Variants in BMPR2 observed in about 807,000 individuals in gnomAD.
BMPR2 encodes the protein bone morphogenetic protein receptor type 2.
Under a neutral mutation model 100.8 loss-of-function variants are expected in BMPR2, and 29 were observed. The ratio of observed to expected loss-of-function variants is 0.29; its 90% CI spans 0.21 to 0.39. BMPR2 has a LOEUF of 0.39. BMPR2 is among the 10% of genes least tolerant of loss of function. The pLI is 1.00. For missense variants in BMPR2, 1,011 were observed against 1,274.5 expected, an observed-to-expected ratio of 0.79 and a Z score of 3.15; for synonymous variants, 382 against 442.3, an observed-to-expected ratio of 0.86 and a Z score of 1.71.
In BMPR2 at chr2:202,412,202, A is replaced by C. The variant is rs185363202; in HGVS notation, c.76+34652A>C. Among the ~76,000 whole-genome samples, 50 of 152,304 alleles carry C rather than the reference A, an allele frequency of 3.3e-4. 1 individual carries two copies. The highest frequency in any genetic ancestry group is 8.5e-4 in the Admixed American group (13 of 15,288). On this transcript the variant is annotated intron_variant, in intron 1 of 12. Transcript: ENST00000374580. ...ATGCGTATGTGTCTCTAATAATCTT[A>C]AATATATTTAAGATGATAGAAGGAA...
intron 10 of BMPR2, among the ~76,000 whole-genome samples, chr2:202,551,862 A>ATT (rs35621004): frequency 6.1e-4 from 79 of 130,376 alleles, no homozygotes; most frequent in South Asian, 4.0e-3. Context: ...ATGCTGGCTA[A>ATT]TTTTTTTTTT....
intron 1 of BMPR2, among the ~76,000 whole-genome samples, chr2:202,432,133 G>GA (rs781637829): frequency 2.0e-5 from 3 of 150,662 alleles, no homozygotes; most frequent in Non-Finnish European, 4.4e-5. Flanking sequence ...TTTAAATGAT[G>GA]AATGTTATTA....
chr2:202,446,484 T>A (rs1187507844), intron 1 of BMPR2, among the ~76,000 whole-genome samples: 1 of 150,628 alleles, frequency 6.6e-6, no homozygotes, highest in East Asian at 1.9e-4. Flanking sequence ...TACAATTTTA[T>A]GTTCGCTTGT....
intron 11 of BMPR2, among the ~76,000 whole-genome samples, 183 bp downstream of exon 11, chr2:202,553,071 G>A (rs1688510276): frequency 6.6e-6 from 1 of 152,172 alleles, no homozygotes; most frequent in African/African-American, 2.4e-5. Flanking sequence ...TGGTACAAGT[G>A]CAAGATGAAA....
chr2:202,458,328 G>C (rs1692163972), intron 1 of BMPR2, among the ~76,000 whole-genome samples: 1 of 147,612 alleles, frequency 6.8e-6, no homozygotes, highest in African/African-American at 2.5e-5. Flanking sequence ...AAATTAGCCG[G>C]GCTTGGTGGC....
chr2:202,442,478 A>G (rs1381126886), intron 1 of BMPR2, among the ~76,000 whole-genome samples: 3 of 150,332 alleles, frequency 2.0e-5, no homozygotes, highest in Non-Finnish European at 4.4e-5. Flanking sequence ...CACTTTCCCA[A>G]CAATTTTCAA....
chr2:202,483,360 TGTTG>T (rs1310491326), intron 3 of BMPR2, among the ~76,000 whole-genome samples: 1 of 151,998 alleles, frequency 6.6e-6, no homozygotes, highest in African/African-American at 2.4e-5. Context: ...TGTTTTTGTT[TGTTG>T]GTTGGTTTTT....
At chr2:202,517,143 C>G (rs1687725920) in intron 5 of BMPR2, among the ~76,000 whole-genome samples, 1 of 151,584 alleles carries the variant, frequency 6.6e-6, no homozygotes, top group Admixed American at 6.6e-5. Context: ...TCACTTGAAC[C>G]CGGGAAACGG....
At chr2:202,531,895 T>G (rs1688036028) in intron 8 of BMPR2, among the ~76,000 whole-genome samples, 1 of 148,946 alleles carries the variant, frequency 6.7e-6, no homozygotes, top group South Asian at 2.1e-4. Context: ...CCCAAAGTGC[T>G]GCAATTACAA....
At chr2:202,445,098 T>G (rs1242796665) in intron 1 of BMPR2, among the ~76,000 whole-genome samples, 1 of 150,594 alleles carries the variant, frequency 6.6e-6, no homozygotes, top group Non-Finnish European at 1.5e-5. Flanking sequence ...TAGACATTTT[T>G]TAAAGTGTAG....
rs556902188 is a variant in BMPR2 at position 202,414,038 on chromosome 2, C to T, written c.76+36488C>T. ...CCTTGTTTATTGTGCTTCACTATTG[C>T]ACTTCACAGATAACTGTGTTTTGAA... On this transcript the variant is annotated intron_variant, in intron 1 of 12. Transcript: ENST00000374580. Among the ~76,000 whole-genome samples, 10 of 152,264 alleles carry T rather than the reference C, an allele frequency of 6.6e-5. No homozygotes were observed. In the East Asian group the frequency reaches 1.4e-3, roughly 21 times the overall value.
chr2:202,453,000 T>C (rs1692018080), intron 1 of BMPR2, among the ~76,000 whole-genome samples: 1 of 152,140 alleles, frequency 6.6e-6, no homozygotes, highest in East Asian at 1.9e-4. Context: ...AAGGCCTTGA[T>C]GTGAAAAAGA....
intron 6 of BMPR2, among the ~76,000 whole-genome samples, chr2:202,519,337 TG>T (rs572591126): frequency 0.011 from 1,601 of 152,274 alleles, 12 homozygotes; most frequent in Non-Finnish European, 0.014. Context: ...TACTCCAGCC[TG>T]GGCGACAGAG....
chr2:202,384,031 G>T (rs939768334), intron 1 of BMPR2, among the ~76,000 whole-genome samples: 5 of 151,926 alleles, frequency 3.3e-5, no homozygotes, highest in African/African-American at 1.2e-4. Flanking sequence ...AATTACCCGG[G>T]CGTGGTGGCG....
intron 3 of BMPR2, among the ~76,000 whole-genome samples, chr2:202,473,258 C>T (rs1574466746): frequency 6.6e-6 from 1 of 151,928 alleles, no homozygotes; most frequent in Non-Finnish European, 1.5e-5. Flanking sequence ...CATGGAGAAA[C>T]CCCATCTGTA....
intron 5 of BMPR2, among the ~76,000 whole-genome samples, chr2:202,517,113 A>G (rs369304424): frequency 2.0e-5 from 3 of 151,786 alleles, no homozygotes; most frequent in African/African-American, 7.3e-5. Context: ...CTAGCTACTC[A>G]GGAGGCTGAG....
Position 202,428,490 on chromosome 2 carries a change from C to G in BMPR2, c.77-36319C>G, listed in dbSNP as rs565537580. ...CATAGCTCACTGCATCCTCAAACTC[C>G]TAGGCTCAATCAGTCCTTCCACTTT... On this transcript the variant is annotated intron_variant, in intron 1 of 12. Coordinates refer to ENST00000374580, the MANE Select transcript of BMPR2 (RefSeq NM_001204.7). Among the ~76,000 whole-genome samples, 43 of 152,210 alleles carry G rather than the reference C, an allele frequency of 2.8e-4. 2 individuals carry two copies. The highest frequency in any genetic ancestry group is 9.8e-4 in the Admixed American group (15 of 15,270).
chr2:202,381,874 G>A (rs1690301569), intron 1 of BMPR2, among the ~76,000 whole-genome samples: 1 of 151,758 alleles, frequency 6.6e-6, no homozygotes, highest in African/African-American at 2.4e-5. Flanking sequence ...CTTCATTAAA[G>A]GCCAGTTTTT....
intron 3 of BMPR2, among the ~76,000 whole-genome samples, chr2:202,508,981 A>C (rs1325227154): frequency 2.0e-5 from 3 of 152,232 alleles, no homozygotes; most frequent in African/African-American, 7.2e-5. Flanking sequence ...CAGTTGACAA[A>C]TTTGAAAAGA....
Sources: allele counts gnomAD v4.1 joint callset (sites outside exome capture counted in the v4.1 genomes callset), GRCh38; gene constraint gnomAD v4.1.1; transcripts MANE v1.5; gene names NCBI Gene and HGNC (gene_info 2026-07-23, HGNC 2026-07-21).